SPG11: variants seen among roughly 807,000 people sequenced by gnomAD.
SPG11 encodes spatacsin.
SPG11 carries 222 observed loss-of-function variants against 274.0 expected under a neutral mutation model. The observed-to-expected ratio is 0.81, with a 90% CI of 0.73 to 0.91. SPG11 has a LOEUF of 0.91. Among genes scored for constraint, SPG11 ranks in the 40% least tolerant of loss-of-function variants. The pLI is 0.00. For synonymous variants in SPG11, 1,144 were observed against 1,039.7 expected (o/e 1.10, Z -1.93); for missense variants, 3,114 against 2,872.7 (o/e 1.08, Z -1.92).
intron 26 of SPG11, 33 bp from the exon 27 acceptor site, chr15:44,592,471 T>C: frequency 7.8e-7 from 1 of 1,279,038 alleles, no homozygotes; most frequent in Non-Finnish European, 1.1e-6. Flanking sequence ...AATTACAAAA[T>C]TTTGAACTTA....
At chr15:44,633,324 CAAAAAAAAAAAAAAAAAAAAAA>C (rs531787427) in intron 8 of SPG11, 159 bp downstream of exon 8, 4,977 of 108,830 alleles carry the variant, frequency 0.046, 97 homozygotes, top group Admixed American at 0.071. Flanking sequence ...GACTCTGTCT[CAAAAAAAAAAAAAAAAAAAAAA>C]AAAAAAAAAA....
intron 15 of SPG11, among the ~76,000 whole-genome samples, chr15:44,619,915 C>T (rs1210343402): frequency 6.6e-6 from 1 of 151,970 alleles, no homozygotes; most frequent in Admixed American, 6.6e-5. Flanking sequence ...AGGGTTTCAC[C>T]GTGTTGGCAA....
At chr15:44,583,223 T>C (rs1362479317) in intron 30 of SPG11, among the ~76,000 whole-genome samples, 1 of 152,216 alleles carries the variant, frequency 6.6e-6, no homozygotes, top group Non-Finnish European at 1.5e-5. Context: ...TCACGCCCTA[T>C]AATCTCGGCA....
chr15:44,592,032 A>C (rs1376000762), intron 27 of SPG11, among the ~76,000 whole-genome samples: 1 of 150,548 alleles, frequency 6.6e-6, no homozygotes, highest in African/African-American at 2.5e-5. Flanking sequence ...AATCGCTTGA[A>C]CCTGGGAGGT....
At chr15:44,643,160 A>T (rs1278549430) in intron 7 of SPG11, among the ~76,000 whole-genome samples, 2 of 152,202 alleles carry the variant, frequency 1.3e-5, no homozygotes, top group Non-Finnish European at 2.9e-5. Context: ...GGGGAGAGGC[A>T]CTGTGTGAAT....
At chr15:44,627,622 C>T (rs976973233) in intron 10 of SPG11, among the ~76,000 whole-genome samples, 1 of 151,612 alleles carries the variant, frequency 6.6e-6, no homozygotes, top group Non-Finnish European at 1.5e-5. Context: ...CAGAGTCTCG[C>T]ACTGTCACCT....
rs779161014 is a variant in SPG11 at position 44,585,698 on chromosome 15, C to T, written c.5059G>A (p.Ala1687Thr). Residue 1687 changes from alanine (A) to threonine (T), a missense_variant, in exon 29 of 40, where the codon GCT becomes ACT. Physicochemically the swap from Ala to Thr is moderately conservative, Grantham distance 58. Coordinates refer to ENST00000261866, the MANE Select transcript of SPG11 (RefSeq NM_025137.4). ...AATTCTGCTACCCTCCTGGCCAAAG[C>T]GAATTGTCCATCTGTCTGCAGTCTT... ...LERLQTDGQF[A>T]LARRVAELAE... is the part of the protein sequence containing the mutation. 41 of 1,613,460 alleles carry T rather than the reference C, an allele frequency of 2.5e-5. No homozygotes were observed. The Admixed American group carries it at 3.0e-4, about 12-fold the overall frequency.
In SPG11 at chr15:44,610,882, C is replaced by G; in HGVS notation, c.3249G>C (p.Leu1083=). 1 of 1,613,878 alleles carries G rather than the reference C, an allele frequency of 6.2e-7. No individual in the cohort carries two copies. Among genetic ancestry groups the G allele is most frequent in the South Asian group, 1.1e-5 (1 of 91,068 alleles). Residue 1083 remains leucine (L), a synonymous_variant, in exon 18 of 40, where the codon CTG becomes CTC. Transcript: ENST00000261866. The part of the protein sequence containing the change: ...SSMLLEGHTL[L]ALATTMYSPG... ...GAGAATACATTGTAGTAGCAAGGGC[C>G]AGGAGGGTATGTCCTTCCAATAGCA...
chr15:44,624,628 T>C (rs991164172), intron 11 of SPG11, among the ~76,000 whole-genome samples: 1 of 152,198 alleles, frequency 6.6e-6, no homozygotes, highest in Non-Finnish European at 1.5e-5. Context: ...AAGTTAATAA[T>C]AATACATTGT....
Position 44,660,381 on chromosome 15 carries a change from T to C in SPG11, c.442+51A>G, listed in dbSNP as rs779426449. 1.3e-5 allele frequency: 20 copies of C among 1,532,224 alleles called. 1 individual carries two copies. The South Asian group carries it at 1.5e-4, about 11-fold the overall frequency. The allele number at this position is 1,532,224 out of a possible 1,614,324, so 94.9% of individuals were successfully genotyped here. ...ACTTTTCCTGAAGTATGTAACTACA[T>C]GGTAATGTCACAAATTTAAATATGC... is the stretch of plus-strand genomic sequence containing the variant. On this transcript the variant is annotated intron_variant, in intron 2 of 39. Transcript: ENST00000261866.
intron 7 of SPG11, among the ~76,000 whole-genome samples, chr15:44,637,873 T>C (rs192597559): frequency 6.6e-6 from 1 of 152,196 alleles, no homozygotes; most frequent in Non-Finnish European, 1.5e-5. Context: ...GAAAAAGGCA[T>C]AGGAGACGAT....
rs1206691435 is a variant in SPG11 at position 44,595,286 on chromosome 15, G to T, written c.4608C>A (p.Leu1536=). ...TAAAGAAAAGCTGGAAACCTCTGATGAGAGTTTTGCTCTTTTGTCTTGTTA... is the reference window on the plus strand; with the variant it reads ...TAAAGAAAAGCTGGAAACCTCTGATTAGAGTTTTGCTCTTTTGTCTTGTTA... ...TLLTRQKSKT[L]IRGFQLFFKD... Residue 1536 remains leucine (L), a synonymous_variant, in exon 26 of 40, where the codon CTC becomes CTA. Coordinates refer to ENST00000261866, the MANE Select transcript of SPG11 (RefSeq NM_025137.4). 3 of 1,614,230 alleles carry T rather than the reference G, an allele frequency of 1.9e-6. No homozygotes were observed. In the South Asian group the frequency reaches 3.3e-5, roughly 18 times the overall value.
chr15:44,568,962 G>A (rs1595821368), intron 35 of SPG11, among the ~76,000 whole-genome samples: 1 of 151,854 alleles, frequency 6.6e-6, no homozygotes, highest in Admixed American at 6.6e-5. Context: ...ACCTGAGGTC[G>A]GGAGTTCAAG....
At chr15:44,644,479 C>T (rs1249179844) in intron 7 of SPG11, among the ~76,000 whole-genome samples, 1 of 152,094 alleles carries the variant, frequency 6.6e-6, no homozygotes, top group African/African-American at 2.4e-5. Flanking sequence ...ACTGAATGGG[C>T]AAAAGCTGGA....
At position 44,663,376 on chromosome 15, in the gene SPG11, T is replaced by G. The variant is rs538988623; in HGVS notation, c.257+15A>C. ...CTGGACTCCCCCAACGGCCCAACTC[T>G]CCCTCAGCACTTACTGCCAGAAGGG... On this transcript the variant is annotated intron_variant, in intron 1 of 39. Transcript: ENST00000261866. 687 of 1,604,480 alleles carry G rather than the reference T, an allele frequency of 4.3e-4. No individual in the cohort carries two copies. Among genetic ancestry groups the G allele is most frequent in the Non-Finnish European group, 5.1e-4 (598 of 1,176,274 alleles).
chr15:44,592,227 T>C, intron 27 of SPG11, 104 bp downstream of exon 27: 1 of 738,588 alleles, frequency 1.4e-6, no homozygotes. Flanking sequence ...ACACTGTGCC[T>C]GAGTAACCGA....
chr15:44,652,128 C>A lies in SPG11; in HGVS notation c.1007+1G>T. ...ACTACATGAAAAGGAAGTTTCTGTA[C>A]CTATCAATTTGGAAGGAAAACTTGG... On this transcript the variant is annotated splice_donor_variant, in intron 5 of 39. Coordinates refer to ENST00000261866, the MANE Select transcript of SPG11 (RefSeq NM_025137.4). LOFTEE classifies it high-confidence loss of function. 6.2e-7 allele frequency: 1 copy of A among 1,614,046 alleles called. No homozygotes were observed. Among genetic ancestry groups the A allele is most frequent in the Non-Finnish European group, 8.5e-7 (1 of 1,179,992 alleles).
Position 44,618,516 on chromosome 15 carries a change from C to CAA in SPG11, c.2834+1672_2834+1673dup, listed in dbSNP as rs1243300533. ...TGGGCGACAGAGTGAGACTCCATCT[C>CAA]AAAAAAAAAAAAAAAAAAAGGCCGG... On this transcript the variant is annotated intron_variant, in intron 15 of 39. Coordinates refer to ENST00000261866, the MANE Select transcript of SPG11 (RefSeq NM_025137.4). Among the ~76,000 whole-genome samples the CAA allele has an allele frequency of 9.6e-4, 34 of 35,352 alleles. 1 individual carries two copies. In the East Asian group the frequency reaches 0.012, roughly 12 times the overall value. The allele number at this position is 35,352 out of a possible 152,430, so 23.2% of individuals were successfully genotyped here.
intron 6 of SPG11, among the ~76,000 whole-genome samples, chr15:44,650,154 T>C (rs1246200056): frequency 1.3e-5 from 2 of 152,108 alleles, no homozygotes; most frequent in Non-Finnish European, 2.9e-5. Flanking sequence ...ATATCTGAAA[T>C]ATCAAAATCT....
Sources: allele counts gnomAD v4.1 joint callset (sites outside exome capture counted in the v4.1 genomes callset), GRCh38; gene constraint gnomAD v4.1.1; transcripts MANE v1.5; gene names NCBI Gene and HGNC (gene_info 2026-07-23, HGNC 2026-07-21).